SLC25A37: variants seen among roughly 807,000 people sequenced by gnomAD.
SLC25A37 encodes the protein mitoferrin-1.
A neutral mutation model predicts 31.0 loss-of-function variants in SLC25A37; 17 were observed. The ratio of observed to expected loss-of-function variants is 0.55; its 90% CI spans 0.38 to 0.82. The LOEUF is 0.82. SLC25A37 is among the 40% of genes least tolerant of loss of function. SLC25A37 has a pLI of 0.00. For missense variants in SLC25A37, 404 were observed against 465.8 expected, an observed-to-expected ratio of 0.87 and a Z score of 1.22; for synonymous variants, 222 against 193.0, an observed-to-expected ratio of 1.15 and a Z score of -1.24.
chr8:23,535,700 C>T (rs1386874682), intron 1 of SLC25A37, among the ~76,000 whole-genome samples: 3 of 152,100 alleles, frequency 2.0e-5, no homozygotes, highest in African/African-American at 4.8e-5. Flanking sequence ...TTTAATGGAC[C>T]CACAGTTCCA....
chr8:23,549,414 T>C (rs572123857), intron 1 of SLC25A37, among the ~76,000 whole-genome samples: 1 of 152,322 alleles, frequency 6.6e-6, no homozygotes, highest in South Asian at 2.1e-4. Context: ...TTCCTGCTAT[T>C]ACCTTTTGCA....
intron 1 of SLC25A37, among the ~76,000 whole-genome samples, chr8:23,537,822 G>C (rs1490870827): frequency 6.6e-6 from 1 of 152,124 alleles, no homozygotes; most frequent in Non-Finnish European, 1.5e-5. Context: ...CTGCAAGCCT[G>C]CAGAAAGACA....
In SLC25A37 at chr8:23,546,566, A is replaced by AG. The variant is rs1563256169; in HGVS notation, c.210+17354_210+17355insG. On this transcript the variant is annotated intron_variant, in intron 1 of 3. Coordinates refer to ENST00000519973, the MANE Select transcript of SLC25A37 (RefSeq NM_016612.4). Reference sequence around the variant, plus strand: ...ATATATATATATAGTGTATATATATATATATATATATATATAGTGTATATA... The same window carrying AG: ...ATATATATATATAGTGTATATATATAGTATATATATATATATAGTGTATATA... Among the ~76,000 whole-genome samples, 171 of 109,414 alleles carry AG rather than the reference A, an allele frequency of 1.6e-3. 2 individuals are homozygous for AG. The highest frequency in any genetic ancestry group is 9.6e-3 in the African/African-American group (161 of 16,710). The allele number at this position is 109,414 out of a possible 152,430, so 71.8% of individuals were successfully genotyped here.
intron 1 of SLC25A37, among the ~76,000 whole-genome samples, chr8:23,540,266 A>G (rs963953365): frequency 7.9e-5 from 12 of 152,204 alleles, no homozygotes; most frequent in Admixed American, 5.2e-4. Context: ...GAAGAGAGGA[A>G]GGGAATTAGG....
At chr8:23,561,109 T>G (rs769547443) in intron 1 of SLC25A37, among the ~76,000 whole-genome samples, 41 of 152,270 alleles carry the variant, frequency 2.7e-4, no homozygotes, top group Non-Finnish European at 5.6e-4. Flanking sequence ...AGCTGTCTGT[T>G]TGGGAACAAA....
intron 1 of SLC25A37, among the ~76,000 whole-genome samples, chr8:23,557,285 G>A (rs768117173): frequency 1.6e-4 from 24 of 152,132 alleles, no homozygotes; most frequent in Admixed American, 3.3e-4. Flanking sequence ...GGTTTTGGAC[G>A]GGGAACGGGT....
chr8:23,536,917 C>T lies in SLC25A37; in HGVS notation c.210+7705C>T, dbSNP rs554508085. Among the ~76,000 whole-genome samples, 56 of 152,310 alleles carry T rather than the reference C, an allele frequency of 3.7e-4. No homozygotes were observed. The South Asian group carries it at 0.01, about 28-fold the overall frequency. ...GCCCAAGTTAAAAGTGAGTTTAGGC[C>T]GAGCTCAGTGGCTCACGCCTGTAAT... is the stretch of plus-strand genomic sequence containing the variant. On this transcript the variant is annotated intron_variant, in intron 1 of 3. Transcript: ENST00000519973.
intron 2 of SLC25A37, chr8:23,566,787 C>T (rs912583167): frequency 1.2e-5 from 12 of 987,948 alleles, no homozygotes; most frequent in Admixed American, 6.1e-5. Context: ...GTCTCTACAA[C>T]GCCAAGATCT....
Position 23,529,833 on chromosome 8 carries a change from C to T in SLC25A37, c.210+621C>T, listed in dbSNP as rs927284692. ...CTTTCTGAGGGTTCCTGCACTTCTT[C>T]CCCCGACTTTGGGTCGCCGAGCCGC... On this transcript the variant is annotated intron_variant, in intron 1 of 3. Transcript: ENST00000519973. The surrounding 1 kb of genome is among the most constrained non-coding windows in gnomAD (Gnocchi z 4.1). Among the ~76,000 whole-genome samples, 1 of 152,150 alleles carries T rather than the reference C, an allele frequency of 6.6e-6. No individual in the cohort carries two copies. The highest frequency in any genetic ancestry group is 2.1e-4 in the South Asian group (1 of 4,830).
intron 1 of SLC25A37, among the ~76,000 whole-genome samples, chr8:23,550,367 A>G (rs950573495): frequency 6.6e-6 from 1 of 152,078 alleles, no homozygotes; most frequent in Non-Finnish European, 1.5e-5. Context: ...CTGACCTTTC[A>G]TGGGAGTCAC....
intron 1 of SLC25A37, among the ~76,000 whole-genome samples, chr8:23,552,523 G>A (rs1802254183): frequency 2.0e-5 from 3 of 152,142 alleles, no homozygotes; most frequent in Admixed American, 2.0e-4. Flanking sequence ...CTTCAAAGCT[G>A]GTCCCTCTGG....
chr8:23,561,768 G>T (rs550974633), intron 1 of SLC25A37, among the ~76,000 whole-genome samples: 4 of 152,198 alleles, frequency 2.6e-5, no homozygotes, highest in Admixed American at 6.5e-5. Flanking sequence ...AATCATCTGG[G>T]GAATTTTAAA....
chr8:23,568,153 T>C, intron 2 of SLC25A37, 169 bp from the exon 3 acceptor site: 1 of 729,732 alleles, frequency 1.4e-6, no homozygotes. Context: ...TTTTATCATA[T>C]TTCCACCATC....
Position 23,566,198 on chromosome 8 carries a change from T to A in SLC25A37, c.301T>A (p.Trp101Arg), listed in dbSNP as rs866106732. The A allele has an allele frequency of 2.5e-6, 4 of 1,605,784 alleles. No individual in the cohort carries two copies. The South Asian group carries it at 3.4e-5, about 13-fold the overall frequency. Reference sequence around the variant, plus strand: ...GAAAATCATGCGGACCGAAGGCTTCTGGAGGCCCTTGCGAGGCGTCAACGT... The same window carrying A: ...GAAAATCATGCGGACCGAAGGCTTCAGGAGGCCCTTGCGAGGCGTCAACGT... ...LKKIMRTEGF[W>R]RPLRGVNVMI... Residue 101 changes from tryptophan (W) to arginine (R), a missense_variant, in exon 2 of 4, where the codon TGG becomes AGG. Around this residue, in one of 3 missense-constraint regions of SLC25A37, gnomAD observed 154 missense variants for 153.6 expected, o/e 1.00. Coordinates refer to ENST00000519973, the MANE Select transcript of SLC25A37 (RefSeq NM_016612.4).
At position 23,573,319 on chromosome 8, in the gene SLC25A37, GA is replaced by G. The variant is rs1802910452; in HGVS notation, c.*1468del. ...GTGCCGAGTCAGATTGCCGCTCAGA[GA>G]AAATACAAGCCCGTTTTCCCTAGCT... On this transcript the variant is annotated 3_prime_UTR_variant, in exon 4 of 4. Transcript: ENST00000519973. The G allele has an allele frequency of 6.5e-6, 1 of 153,678 alleles. No homozygotes were observed. Among genetic ancestry groups the G allele is most frequent in the Non-Finnish European group, 1.5e-5 (1 of 68,942 alleles). 9.5% of individuals were successfully genotyped at this position (153,678 alleles called of 1,614,324 possible). A position where few individuals can be genotyped will look rare whatever the true frequency, so the allele number is the denominator to read the frequency against.
intron 1 of SLC25A37, among the ~76,000 whole-genome samples, chr8:23,540,827 C>T (rs1026940288): frequency 1.3e-5 from 2 of 152,170 alleles, no homozygotes; most frequent in African/African-American, 4.8e-5. Context: ...CCTCCCCTGG[C>T]AGGTCCGCTT....
rs767518394 is a variant in SLC25A37 at position 23,571,845 on chromosome 8, C to T, written c.1007C>T (p.Ala336Val). Residue 336 changes from alanine to valine, a missense_variant, in exon 4 of 4, where the codon GCT becomes GTT. By Grantham distance (64) the Ala-to-Val change is moderately conservative. Coordinates refer to ENST00000519973, the MANE Select transcript of SLC25A37 (RefSeq NM_016612.4). ...ACCAAGCGCCAGCTGGAAAATCGAG[C>T]TCCATACTAAAGGAAGGGATCATAG... ...FLTKRQLENR[A>V]PY 6.2e-6 allele frequency: 10 copies of T among 1,611,100 alleles called. No individual in the cohort carries two copies. The South Asian group carries it at 1.1e-4, about 18-fold the overall frequency.
Position 23,573,722 on chromosome 8 carries a change from G to T in SLC25A37, c.*1867G>T. ...CAGGGATGGGAAAGAGCCAAACTGG[G>T]TACCTCCCACGTGTGCCCCGTGAAC... On this transcript the variant is annotated 3_prime_UTR_variant, in exon 4 of 4. Coordinates refer to ENST00000519973, the MANE Select transcript of SLC25A37 (RefSeq NM_016612.4). 4.5e-6 allele frequency: 2 copies of T among 441,434 alleles called. No individual in the cohort carries two copies. Among genetic ancestry groups the T allele is most frequent in the Non-Finnish European group, 9.3e-6 (2 of 215,396 alleles). 27.3% of individuals were successfully genotyped at this position (441,434 alleles called of 1,614,324 possible).
intron 3 of SLC25A37, 36 bp downstream of exon 3, chr8:23,568,414 G>C: frequency 6.2e-7 from 1 of 1,613,046 alleles, no homozygotes; most frequent in Non-Finnish European, 8.5e-7. Context: ...GGCAGTAGGG[G>C]ATGTGCAAAG....
Sources: allele counts gnomAD v4.1 joint callset (sites outside exome capture counted in the v4.1 genomes callset), GRCh38; gene constraint gnomAD v4.1.1; regional missense constraint gnomAD v4.1.1; non-coding constraint Gnocchi (gnomAD v3.1); transcripts MANE v1.5; gene names NCBI Gene and HGNC (gene_info 2026-07-23, HGNC 2026-07-21).